PURG: variants seen among roughly 807,000 people sequenced by gnomAD.
PURG encodes purine rich element binding protein G, also known as purine-rich element-binding protein gamma.
A neutral mutation model predicts 24.3 loss-of-function variants in PURG; 3 were observed. The observed-to-expected ratio is 0.12, with a 90% CI of 0.06 to 0.32. The LOEUF (loss-of-function observed/expected upper bound fraction) is 0.32, where lower values mean the gene tolerates loss of function less well. PURG is among the 10% of genes least tolerant of loss of function. The pLI is 1.00. For synonymous variants in PURG, 180 were observed against 173.1 expected (o/e 1.04, Z -0.31); for missense variants, 371 against 439.1 (o/e 0.84, Z 1.39).
chr8:31,009,864 A>G (rs1810732028), intron 1 of PURG, among the ~76,000 whole-genome samples: 1 of 152,198 alleles, frequency 6.6e-6, no homozygotes, highest in South Asian at 2.1e-4. Flanking sequence ...TCATGTGGTC[A>G]TTTATCTCTT....
At chr8:31,022,580 T>TGG (rs1244261321) in intron 1 of PURG, among the ~76,000 whole-genome samples, 3 of 152,288 alleles carry the variant, frequency 2.0e-5, no homozygotes, top group Non-Finnish European at 4.4e-5. Context: ...TAGGATGGAG[T>TGG]GGGTCCATGT....
intron 1 of PURG, among the ~76,000 whole-genome samples, chr8:31,011,955 T>C (rs912407305): frequency 6.6e-6 from 1 of 152,016 alleles, no homozygotes; most frequent in Non-Finnish European, 1.5e-5. Flanking sequence ...AAAGATGACA[T>C]AGCATTTTTG....
chr8:31,005,595 G>A (rs1416734901), intron 1 of PURG, among the ~76,000 whole-genome samples: 1 of 152,040 alleles, frequency 6.6e-6, no homozygotes, highest in Non-Finnish European at 1.5e-5. Flanking sequence ...AGGGGTACAT[G>A]GGAACTTTCT....
At position 31,001,146 on chromosome 8, in the gene PURG, A is replaced by C. The variant is rs75470391; in HGVS notation, c.865-4449T>G. ...ACTATATTTAGCTCACATAATACCC[A>C]AAATAATACAACATTCCACAATTTA... is the stretch of plus-strand genomic sequence containing the variant. On this transcript the variant is annotated intron_variant, in intron 1 of 1. Transcript: ENST00000339382. 2.4e-4 allele frequency among the ~76,000 whole-genome samples: 37 copies of C among 152,328 alleles called. 1 individual carries two copies. The East Asian group carries it at 6.9e-3, about 29-fold the overall frequency.
At chr8:31,001,225 A>G (rs1474516377) in intron 1 of PURG, among the ~76,000 whole-genome samples, 1 of 152,202 alleles carries the variant, frequency 6.6e-6, no homozygotes, top group Non-Finnish European at 1.5e-5. Flanking sequence ...AGGCAATTGT[A>G]TTTACCTAAA....
chr8:31,014,596 T>C (rs1388021554), intron 1 of PURG, among the ~76,000 whole-genome samples: 1 of 152,264 alleles, frequency 6.6e-6, no homozygotes, highest in African/African-American at 2.4e-5. Context: ...ATTGTGTTTC[T>C]ATTAAAGCTG....
intron 1 of PURG, among the ~76,000 whole-genome samples, chr8:31,001,240 C>G (rs1475197974): frequency 6.6e-6 from 1 of 152,172 alleles, no homozygotes; most frequent in Non-Finnish European, 1.5e-5. Context: ...CCTAAAATAG[C>G]TTTTCCCTGG....
intron 1 of PURG, among the ~76,000 whole-genome samples, chr8:31,009,361 G>A (rs1010538924): frequency 1.3e-5 from 2 of 152,178 alleles, no homozygotes; most frequent in Non-Finnish European, 2.9e-5. Context: ...GGGAGGTGGA[G>A]GTTGCAGTGA....
intron 1 of PURG, among the ~76,000 whole-genome samples, chr8:31,005,147 C>T (rs573960875): frequency 1.1e-4 from 17 of 152,020 alleles, no homozygotes; most frequent in African/African-American, 3.1e-4. Context: ...GAAAAATACA[C>T]GCAGACCAGG....
Position 31,031,917 on chromosome 8 carries a change from A to C in PURG, c.866T>G (p.Val289Gly). Residue 289 changes from valine (V) to glycine (G), a missense_variant, in exon 2 of 2, where the codon GTA becomes GGA. Val to Gly is a moderately radical substitution (Grantham distance 109, BLOSUM62 -3). Coordinates refer to ENST00000523392, the MANE Select transcript of PURG (RefSeq NM_001323311.2). ...ACGGTAAGGTGGTCTCACCTCACTT[A>C]CCTTCAGGAAAATTCCATATTTATT... Reference protein sequence around the residue: ...GSNKYGIFLKVSEVRPPYRNT... With the variant: ...GSNKYGIFLKGSEVRPPYRNT... The C allele has an allele frequency of 6.2e-7, 1 of 1,614,158 alleles. No homozygotes were observed. The highest frequency in any genetic ancestry group is 8.5e-7 in the Non-Finnish European group (1 of 1,180,032).
downstream of PURG, among the ~76,000 whole-genome samples, chr8:31,025,981 A>G (rs186663038): frequency 1.3e-5 from 2 of 151,920 alleles, no homozygotes; most frequent in Non-Finnish European, 3.0e-5. Context: ...GCTTTAAACA[A>G]TCGGGTCTAG....
chr8:31,001,057 A>C (rs1485752595), intron 1 of PURG, among the ~76,000 whole-genome samples: 1 of 152,208 alleles, frequency 6.6e-6, no homozygotes, highest in African/African-American at 2.4e-5. Flanking sequence ...TAAACATTGA[A>C]ATACAGAAAT....
chr8:31,010,066 C>T (rs914064291), intron 1 of PURG, among the ~76,000 whole-genome samples: 34 of 151,526 alleles, frequency 2.2e-4, no homozygotes, highest in African/African-American at 7.5e-4. Context: ...CACTGCACTC[C>T]GGCCTGGGTG....
rs369001501 is a variant in PURG, at chr8:31,032,373, T to A, written c.410A>T (p.Glu137Val). ...AHLGLKGHRQ[E>V]HGHSKEQGSR... ...GCCTTGCTCTTTGCTGTGGCCATGC[T>A]CTTGCCGGTGGCCTTTCAGGCCCAG... is the stretch of plus-strand genomic sequence containing the variant. The change falls in exon 2 of 2, where the codon GAG becomes GTG. Residue 137 changes from glutamate (E) to valine (V), a missense_variant. Physicochemically the swap from Glu to Val is moderately radical, Grantham distance 121. Around this residue, in one of 5 missense-constraint regions of PURG, gnomAD observed 213 missense variants for 230.6 expected, o/e 0.92. Coordinates refer to ENST00000523392, the MANE Select transcript of PURG (RefSeq NM_001323311.2). The surrounding 1 kb of genome is among the most constrained non-coding windows in gnomAD (Gnocchi z 5.9). The A allele has an allele frequency of 1.2e-6, 2 of 1,613,364 alleles. No homozygotes were observed. Among genetic ancestry groups the A allele is most frequent in the African/African-American group, 2.7e-5 (2 of 74,866 alleles).
At chr8:31,022,674 A>G (rs751911474) in intron 1 of PURG, among the ~76,000 whole-genome samples, 2 of 152,220 alleles carry the variant, frequency 1.3e-5, no homozygotes, top group Non-Finnish European at 2.9e-5. Context: ...ATTATAATGA[A>G]TGGAATTTTA....
rs1472191558 is a variant in PURG, at chr8:31,032,776, T to C, written c.7A>G (p.Arg3Gly). 7.0e-7 allele frequency: 1 copy of C among 1,427,002 alleles called. No homozygotes were observed. Among genetic ancestry groups the C allele is most frequent in the Non-Finnish European group, 9.2e-7 (1 of 1,087,782 alleles). 88.4% of individuals were successfully genotyped at this position (1,427,002 alleles called of 1,614,324 possible). Residue 3 changes from arginine to glycine, a missense_variant, in exon 2 of 2, where the codon AGA (arginine) becomes GGA (glycine). Physicochemically the swap from Arg to Gly is moderately radical, Grantham distance 125 (BLOSUM62 -2). Coordinates refer to ENST00000523392, the MANE Select transcript of PURG (RefSeq NM_001323311.2). The surrounding 1 kb of genome is among the most constrained non-coding windows in gnomAD (Gnocchi z 5.9). The part of the protein sequence containing the change: ME[R>G]ARRRGGGGGR... ...CCGCCGCCTCCCCTTCGCCTGGCTC[T>C]TTCCATCTTCAGCTGCAAGTAACAA...
At chr8:31,003,914 T>C (rs1225011795) in intron 1 of PURG, among the ~76,000 whole-genome samples, 2 of 152,238 alleles carry the variant, frequency 1.3e-5, no homozygotes, top group Admixed American at 1.3e-4. Context: ...ATGGTAAGAA[T>C]AGGGGTGGAC....
chr8:31,028,404 A>G (rs955855141), downstream of PURG, among the ~76,000 whole-genome samples: 9 of 151,834 alleles, frequency 5.9e-5, no homozygotes, highest in Non-Finnish European at 1.2e-4. Context: ...CCACCTGTCA[A>G]GTGGCATAAA....
chr8:30,999,531 GTC>G (rs1485966130), intron 1 of PURG, among the ~76,000 whole-genome samples: 1 of 151,834 alleles, frequency 6.6e-6, no homozygotes, highest in Non-Finnish European at 1.5e-5. Context: ...AAAAGTGCTA[GTC>G]TTAAAATTGG....
Sources: allele counts gnomAD v4.1 joint callset (sites outside exome capture counted in the v4.1 genomes callset), GRCh38; gene constraint gnomAD v4.1.1; regional missense constraint gnomAD v4.1.1; non-coding constraint Gnocchi (gnomAD v3.1); transcripts MANE v1.5; gene names NCBI Gene and HGNC (gene_info 2026-07-23, HGNC 2026-07-21).